MAP3K15: variants seen among roughly 807,000 people sequenced by gnomAD.
MAP3K15 encodes the protein MAPK/ERK kinase kinase 15.
A neutral mutation model predicts 99.5 loss-of-function variants in MAP3K15; 124 were observed. That is an observed-to-expected ratio of 1.25 (90% CI 1.08 to 1.45). The LOEUF is 1.45. Ranked by LOEUF, MAP3K15 falls within the 40% of genes most tolerant of loss-of-function variation. The pLI, the probability that MAP3K15 is intolerant of heterozygous loss-of-function variation, is 0.00. For missense variants in MAP3K15, 1,242 were observed against 1,079.7 expected, an observed-to-expected ratio of 1.15 and a Z score of -2.11; for synonymous variants, 494 against 439.6, an observed-to-expected ratio of 1.12 and a Z score of -1.55.
At position 19,374,499 on chromosome X, in the gene MAP3K15, GTTC is replaced by G; in HGVS notation, c.2748_2750del (p.Lys916del). On this transcript the variant is annotated inframe_deletion, in exon 20 of 29. Coordinates refer to ENST00000338883, the MANE Select transcript of MAP3K15 (RefSeq NM_001001671.4). ...CACCTGAGGGCTTGAAGGCAATTCG[GTTC>G]TTCTTGCCCTTGTTCACCTGCCTTA... The G allele has an allele frequency of 8.3e-7, 1 of 1,211,117 alleles. No individual in the cohort carries two copies. The highest frequency in any genetic ancestry group is 1.1e-6 in the Non-Finnish European group (1 of 895,194).
At chrX:19,453,907 T>C (rs773719290) in intron 6 of MAP3K15, among the ~76,000 whole-genome samples, 2 of 111,384 alleles carry the variant, frequency 1.8e-5, no homozygotes, top group Admixed American at 9.5e-5. Flanking sequence ...TCGTGGCTAC[T>C]GTAGAGATGA....
chrX:19,395,365 A>G (rs978025058), intron 15 of MAP3K15, among the ~76,000 whole-genome samples, 157 bp from the exon 16 acceptor site: 11 of 111,614 alleles, frequency 9.9e-5, no homozygotes, highest in African/African-American at 3.6e-4. Flanking sequence ...TCCCATCTGT[A>G]CAATAGAGGA....
At chrX:19,486,834 G>A (rs917142466) in intron 2 of MAP3K15, among the ~76,000 whole-genome samples, 2 of 111,218 alleles carry the variant, frequency 1.8e-5, no homozygotes, top group African/African-American at 6.5e-5. Flanking sequence ...CAAGTTTGGG[G>A]TGCTGAGTGC....
In MAP3K15 at chrX:19,398,308, T is replaced by C; in HGVS notation, c.1984A>G (p.Thr662Ala). 1 of 1,211,262 alleles carries C rather than the reference T, an allele frequency of 8.3e-7. No homozygotes were observed. Among genetic ancestry groups the C allele is most frequent in the Non-Finnish European group, 1.1e-6 (1 of 895,192 alleles). ...NGERVVLGKG[T>A]YGIVYAGRDL... ...CGGCCAGCATACACAATCCCATACG[T>C]GCCTTTCCCCAAGACAACTCTCTCA... Residue 662 changes from threonine (T) to alanine (A), a missense_variant, in exon 15 of 29, where the codon ACG becomes GCG. Coordinates refer to ENST00000338883, the MANE Select transcript of MAP3K15 (RefSeq NM_001001671.4).
intron 3 of MAP3K15, among the ~76,000 whole-genome samples, chrX:19,475,213 C>T (rs2064234125): frequency 9.0e-6 from 1 of 110,964 alleles, no homozygotes; most frequent in African/African-American, 3.3e-5. Flanking sequence ...ATGAGTTTCT[C>T]ATAAGGAGCA....
chrX:19,369,060 G>T lies in MAP3K15; in HGVS notation c.3560C>A (p.Thr1187Asn). 1 of 1,196,909 alleles carries T rather than the reference G, an allele frequency of 8.4e-7. No homozygotes were observed. Among genetic ancestry groups the T allele is most frequent in the East Asian group, 3.0e-5 (1 of 33,240 alleles). The stretch of plus-strand genomic sequence containing the variant: ...GGGCCCAGAAGCTCCTCACCTGTTG[G>T]TCTCCTGTCTGAGCTCACCCAGCTG... The part of the protein sequence containing the change: ...SLQLGELRQE[T>N]NRLLEHLVEK... The change falls in exon 25 of 29, where the codon ACC becomes AAC. Residue 1187 changes from threonine (T) to asparagine (N), a missense_variant. Thr to Asn is a moderately conservative substitution (Grantham distance 65). Transcript: ENST00000338883.
At chrX:19,491,539 G>A (rs1015709090) in intron 1 of MAP3K15, among the ~76,000 whole-genome samples, 1 of 110,056 alleles carries the variant, frequency 9.1e-6, no homozygotes, top group African/African-American at 3.3e-5. Flanking sequence ...AAGCCAGCTA[G>A]TGCAAGGGGC....
chrX:19,512,203 C>G (rs1033618363), intron 1 of MAP3K15, among the ~76,000 whole-genome samples: 2 of 111,279 alleles, frequency 1.8e-5, no homozygotes, highest in African/African-American at 6.5e-5. Context: ...AGCATTAGGA[C>G]AAATACCTAA....
intron 1 of MAP3K15, among the ~76,000 whole-genome samples, chrX:19,513,531 C>T (rs917774161): frequency 4.5e-5 from 5 of 111,481 alleles, no homozygotes; most frequent in African/African-American, 1.6e-4. Context: ...ATGGGTCCAG[C>T]TGCCACTTGT....
At chrX:19,508,964 C>T (rs202236178) in intron 1 of MAP3K15, among the ~76,000 whole-genome samples, 1 of 111,545 alleles carries the variant, frequency 9.0e-6, no homozygotes, top group East Asian at 2.8e-4. Context: ...GGGACATGCC[C>T]TGCCCCTCTC....
chrX:19,421,497 G>C (rs2147293721), intron 9 of MAP3K15, among the ~76,000 whole-genome samples: 1 of 110,798 alleles, frequency 9.0e-6, no homozygotes, highest in African/African-American at 3.3e-5. Flanking sequence ...TCTTCAAGGA[G>C]AACTACAAAC....
Position 19,515,193 on chromosome X carries a change from C to T in MAP3K15, c.69G>A (p.Pro23=). The change falls in exon 1 of 29, where the codon CCG becomes CCA. Residue 23 remains proline (P), a synonymous_variant. Transcript: ENST00000338883. ...LGAASESPQC[P]PPPGVEGAAG... ...CCGCGCCCTCCACCCCCGGCGGCGG[C>T]GGGCACTGAGGGGACTCGCTCGCCG... is the stretch of plus-strand genomic sequence containing the variant. The T allele has an allele frequency of 1.2e-6, 1 of 861,279 alleles. No homozygotes were observed. The highest frequency in any genetic ancestry group is 1.4e-6 in the Non-Finnish European group (1 of 706,456). 71.0% of individuals were successfully genotyped at this position (861,279 alleles called of 1,213,427 possible).
chrX:19,515,380 T>A lies in MAP3K15; in HGVS notation c.-119A>T. 2.4e-6 allele frequency: 1 copy of A among 415,505 alleles called. No homozygotes were observed. Among genetic ancestry groups the A allele is most frequent in the Non-Finnish European group, 3.1e-6 (1 of 319,105 alleles). The allele number at this position is 415,505 out of a possible 1,213,427, so 34.2% of individuals were successfully genotyped here. A position where few individuals can be genotyped will look rare whatever the true frequency, so the allele number is the denominator to read the frequency against. On this transcript the variant is annotated 5_prime_UTR_variant, in exon 1 of 29. Coordinates refer to ENST00000338883, the MANE Select transcript of MAP3K15 (RefSeq NM_001001671.4). ...CACCTGCTCCTGAAGCGCGGGACGC[T>A]ACGGGAATCGAGGGAACGGAGCGCA...
intron 11 of MAP3K15, among the ~76,000 whole-genome samples, chrX:19,411,924 A>C (rs1028678162): frequency 5.3e-5 from 6 of 112,340 alleles, no homozygotes; most frequent in Non-Finnish European, 1.1e-4. Flanking sequence ...ACAGGAAGCC[A>C]CTGGAGGCTT....
In MAP3K15 at chrX:19,360,534, GCTCA is replaced by G. The variant is rs2063270172; in HGVS notation, c.*211_*214del. ...AATATTCCGGGAGGTCAAAACCAAG[GCTCA>G]CTGTTTTCACAATACACACAGTTCT... On this transcript the variant is annotated 3_prime_UTR_variant, in exon 29 of 29. Transcript: ENST00000338883. 1.8e-5 allele frequency: 6 copies of G among 335,662 alleles called. No homozygotes were observed. Among genetic ancestry groups the G allele is most frequent in the Non-Finnish European group, 3.1e-5 (6 of 193,535 alleles). 27.7% of individuals were successfully genotyped at this position (335,662 alleles called of 1,213,427 possible). A position where few individuals can be genotyped will look rare whatever the true frequency, so the allele number is the denominator to read the frequency against.
Position 19,374,524 on chromosome X carries a change from C to A in MAP3K15, c.2726G>T (p.Arg909Met). The change falls in exon 20 of 29, where the codon AGG becomes ATG. Residue 909 changes from arginine to methionine, a missense_variant. Transcript: ENST00000338883. Reference sequence around the variant, plus strand: ...GTTCTTCTTGCCCTTGTTCACCTGCCTTAAGAAACCCTCTCTCAGTAGCTC... The same window carrying A: ...GTTCTTCTTGCCCTTGTTCACCTGCATTAAGAAACCCTCTCTCAGTAGCTC... ...TAELLREGFL[R>M]QVNKGKKNRI... 1 of 1,211,549 alleles carries A rather than the reference C, an allele frequency of 8.3e-7. No individual in the cohort carries two copies. Among genetic ancestry groups the A allele is most frequent in the Non-Finnish European group, 1.1e-6 (1 of 895,414 alleles).
At chrX:19,375,539 T>C (rs1003185738) in intron 19 of MAP3K15, among the ~76,000 whole-genome samples, 1 of 112,309 alleles carries the variant, frequency 8.9e-6, no homozygotes, top group African/African-American at 3.2e-5. Flanking sequence ...CCTTCATAAC[T>C]GTTCCCAGTA....
At chrX:19,386,563 C>T (rs994689394) in intron 18 of MAP3K15, among the ~76,000 whole-genome samples, 3 of 111,322 alleles carry the variant, frequency 2.7e-5, no homozygotes, top group Middle Eastern at 4.7e-3. Flanking sequence ...CTGGTCACAG[C>T]CCACTACGGC....
At chrX:19,407,413 G>A (rs1267799658) in intron 12 of MAP3K15, 130 bp from the exon 13 acceptor site, 2 of 377,950 alleles carry the variant, frequency 5.3e-6, no homozygotes, top group East Asian at 9.3e-5. Flanking sequence ...CACCCCCCGA[G>A]TCTGCCTTTT....
Sources: allele counts gnomAD v4.1 joint callset (sites outside exome capture counted in the v4.1 genomes callset), GRCh38; gene constraint gnomAD v4.1.1; transcripts MANE v1.5; gene names NCBI Gene and HGNC (gene_info 2026-07-23, HGNC 2026-07-21).